ORC3: variants seen among roughly 807,000 people sequenced by gnomAD.
ORC3 encodes the protein origin recognition complex subunit 3.
A neutral mutation model predicts 100.7 loss-of-function variants in ORC3; 78 were observed. The ratio of observed to expected loss-of-function variants is 0.77; its 90% confidence interval spans 0.65 to 0.94. The LOEUF (loss-of-function observed/expected upper bound fraction) is 0.94. Ranked by LOEUF, ORC3 falls within the 40% of genes least tolerant of loss-of-function variation. The pLI is 0.00. For missense variants in ORC3, 789 were observed against 823.9 expected, an observed-to-expected ratio of 0.96 and a Z score of 0.52; for synonymous variants, 295 against 289.3, an observed-to-expected ratio of 1.02 and a Z score of -0.20.
chr6:87,636,392 G>A lies in ORC3; in HGVS notation c.1303-15G>A. On this transcript the variant is annotated splice_polypyrimidine_tract_variant and intron_variant, in intron 12 of 19. Transcript: ENST00000392844. The stretch of plus-strand genomic sequence containing the variant: ...TACACTTTTGGTTCCTCACAAATGT[G>A]TTGTTCCCTTACAGATCAGAGAGTT... 6.4e-7 allele frequency: 1 copy of A among 1,564,446 alleles called. No homozygotes were observed. Among genetic ancestry groups the A allele is most frequent in the Non-Finnish European group, 8.8e-7 (1 of 1,136,862 alleles).
intron 13 of ORC3, among the ~76,000 whole-genome samples, chr6:87,641,690 G>C (rs1305043437): frequency 1.3e-5 from 2 of 152,134 alleles, no homozygotes; most frequent in East Asian, 3.8e-4. Flanking sequence ...TCTGAGTAAG[G>C]CTTTTGACTT....
chr6:87,594,557 A>G (rs1777289126), intron 2 of ORC3, 150 bp downstream of exon 2: 1 of 1,323,820 alleles, frequency 7.6e-7, no homozygotes, highest in South Asian at 2.3e-5. Context: ...GGTCAAAGAG[A>G]TAAGAGGACA....
intron 11 of ORC3, among the ~76,000 whole-genome samples, chr6:87,626,085 G>A (rs1458539139): frequency 6.6e-6 from 1 of 152,304 alleles, no homozygotes; most frequent in East Asian, 1.9e-4. Context: ...TTTGGTTACT[G>A]TAGCCTTGTA....
At chr6:87,664,025 A>T (rs995249191) in intron 17 of ORC3, among the ~76,000 whole-genome samples, 1 of 152,174 alleles carries the variant, frequency 6.6e-6, no homozygotes, top group Non-Finnish European at 1.5e-5. Flanking sequence ...GAATAATTTC[A>T]TACTTAACCA....
At position 87,609,238 on chromosome 6, in the gene ORC3, T is replaced by C. The variant is rs1249330841; in HGVS notation, c.713+9T>C. 1 of 1,546,162 alleles carries C rather than the reference T, an allele frequency of 6.5e-7. No homozygotes were observed. Among genetic ancestry groups the C allele is most frequent in the South Asian group, 1.2e-5 (1 of 80,090 alleles). On this transcript the variant is annotated intron_variant, in intron 7 of 19. Transcript: ENST00000392844. ...TTCATAATTATCAGCAGGTAGATGG[T>C]GTATTACCTGGCTTTTATGAAAAAC...
intron 13 of ORC3, among the ~76,000 whole-genome samples, chr6:87,647,463 G>A (rs1768889243): frequency 6.6e-6 from 1 of 152,146 alleles, no homozygotes; most frequent in South Asian, 2.1e-4. Flanking sequence ...TCTTTTCAGT[G>A]AGGCCCTAAC....
downstream of ORC3, among the ~76,000 whole-genome samples, chr6:87,672,274 T>C (rs1770850635): frequency 6.6e-6 from 1 of 152,162 alleles, no homozygotes; most frequent in Non-Finnish European, 1.5e-5. Flanking sequence ...TTTGCTTTTA[T>C]AAAGGGGAGC....
chr6:87,610,198 A>G (rs1332857542), intron 7 of ORC3, among the ~76,000 whole-genome samples: 2 of 151,948 alleles, frequency 1.3e-5, no homozygotes, highest in Non-Finnish European at 2.9e-5. Flanking sequence ...ATAATTTACT[A>G]GTATACTTTA....
At chr6:87,612,298 A>G in intron 8 of ORC3, 50 bp downstream of exon 8, 1 of 1,307,006 alleles carries the variant, frequency 7.7e-7, no homozygotes, top group South Asian at 1.4e-5. Context: ...GAAAACTGCC[A>G]ATAATAGATT....
chr6:87,599,889 C>G (rs1229824739), intron 2 of ORC3, among the ~76,000 whole-genome samples: 1 of 152,168 alleles, frequency 6.6e-6, no homozygotes, highest in Non-Finnish European at 1.5e-5. Context: ...AGGAGAATCA[C>G]TTGGACCTGG....
At chr6:87,644,313 C>T (rs1402008318) in intron 13 of ORC3, among the ~76,000 whole-genome samples, 2 of 151,034 alleles carry the variant, frequency 1.3e-5, no homozygotes, top group South Asian at 2.1e-4. Context: ...GGGATAGTCT[C>T]GATCTCCTGA....
At chr6:87,649,472 G>A (rs781228188) in intron 13 of ORC3, among the ~76,000 whole-genome samples, 4 of 152,158 alleles carry the variant, frequency 2.6e-5, no homozygotes, top group Non-Finnish European at 5.9e-5. Flanking sequence ...TTACGGCCAG[G>A]CGCCATGGCT....
intron 13 of ORC3, among the ~76,000 whole-genome samples, chr6:87,652,696 A>G (rs985542977): frequency 6.6e-6 from 1 of 152,370 alleles, no homozygotes; most frequent in African/African-American, 2.4e-5. Flanking sequence ...CTATCATTAA[A>G]TGCCTACTGT....
chr6:87,611,813 T>G (rs547674396), intron 7 of ORC3, among the ~76,000 whole-genome samples: 5 of 152,052 alleles, frequency 3.3e-5, no homozygotes, highest in Admixed American at 3.3e-4. Context: ...TGGTATAATC[T>G]TCAGGAAAAC....
At chr6:87,616,248 A>G (rs1183344447) in intron 8 of ORC3, 66 bp from the exon 9 acceptor site, 10 of 624,550 alleles carry the variant, frequency 1.6e-5, no homozygotes, top group Non-Finnish European at 2.9e-5. Context: ...CATTATTAAT[A>G]CTTAGTATTT....
intron 13 of ORC3, among the ~76,000 whole-genome samples, chr6:87,641,026 T>C (rs934295939): frequency 1.3e-5 from 2 of 151,986 alleles, no homozygotes; most frequent in African/African-American, 4.8e-5. Context: ...GGAGAATCAC[T>C]TGAAACTGGG....
chr6:87,602,954 A>AATACATATATATATATATAT (rs1554236516), intron 3 of ORC3, among the ~76,000 whole-genome samples: 8 of 95,272 alleles, frequency 8.4e-5, no homozygotes, highest in Admixed American at 4.2e-4. Context: ...ACACATATAT[A>AATACATATATATATATATAT]ATATATATAT....
chr6:87,652,209 T>C (rs908820118), intron 13 of ORC3, among the ~76,000 whole-genome samples: 1 of 152,122 alleles, frequency 6.6e-6, no homozygotes, highest in Admixed American at 6.5e-5. Flanking sequence ...TATTAGAACT[T>C]TTAATCATCA....
intron 9 of ORC3, among the ~76,000 whole-genome samples, chr6:87,616,766 G>A (rs1562338600): frequency 6.6e-6 from 1 of 151,714 alleles, no homozygotes; most frequent in South Asian, 2.1e-4. Flanking sequence ...TAAGGGGTCA[G>A]CAAACTTCTG....
Sources: gnomAD v4.1 joint callset for allele counts (sites outside exome capture counted in the v4.1 genomes callset) on GRCh38, gnomAD v4.1.1 for gene constraint, MANE v1.5 for transcripts, NCBI Gene and HGNC (gene_info 2026-07-23, HGNC 2026-07-21) for gene names.